Variants in DPY19L1 observed in about 807,000 individuals in gnomAD.
DPY19L1 encodes the protein protein C-mannosyl-transferase DPY19L1.
Under a neutral mutation model 96.9 loss-of-function variants are expected in DPY19L1, and 35 were observed. The ratio of observed to expected loss-of-function variants is 0.36; its 90% CI spans 0.28 to 0.48. The LOEUF is 0.48. Among genes scored for constraint, DPY19L1 ranks in the 20% least tolerant of loss-of-function variants. DPY19L1 has a pLI of 0.99. For missense variants in DPY19L1, 521 were observed against 777.9 expected (o/e 0.67, Z 3.93); for synonymous variants, 205 against 252.6 (o/e 0.81, Z 1.79).
chr7:35,029,451 G>A (rs1786208966), intron 1 of DPY19L1, among the ~76,000 whole-genome samples: 1 of 151,990 alleles, frequency 6.6e-6, no homozygotes, highest in Non-Finnish European at 1.5e-5. Context: ...ACACGTCCAG[G>A]CCCCATCATA....
chr7:35,000,631 T>C (rs1785403027), intron 6 of DPY19L1: 1 of 152,206 alleles, frequency 6.6e-6, no homozygotes, highest in Non-Finnish European at 1.5e-5. Flanking sequence ...AACTTCCACC[T>C]ATCAAACCAA....
chr7:34,991,344 T>C (rs1339499825), intron 6 of DPY19L1, among the ~76,000 whole-genome samples: 4 of 152,178 alleles, frequency 2.6e-5, no homozygotes, highest in Admixed American at 2.6e-4. Context: ...CTACCGATTA[T>C]CAGCCTAGAC....
chr7:35,002,991 C>T (rs1288670114), intron 6 of DPY19L1, among the ~76,000 whole-genome samples: 6 of 152,054 alleles, frequency 3.9e-5, no homozygotes, highest in Admixed American at 1.3e-4. Context: ...AAGATGGTCT[C>T]GATCTCCTGA....
At chr7:34,954,534 T>C in intron 13 of DPY19L1, 164 bp downstream of exon 13, 1 of 424,042 alleles carries the variant, frequency 2.4e-6, no homozygotes, top group Non-Finnish European at 4.2e-6. Flanking sequence ...AGAACGAAAA[T>C]CTATATACAA....
At chr7:34,956,441 T>C (rs1784380299) in intron 11 of DPY19L1, among the ~76,000 whole-genome samples, 1 of 152,086 alleles carries the variant, frequency 6.6e-6, no homozygotes, top group African/African-American at 2.4e-5. Flanking sequence ...TAGCTAAGTA[T>C]ACTCAAGGCA....
intron 15 of DPY19L1, 91 bp from the exon 16 acceptor site, chr7:34,945,807 T>C (rs1784133331): frequency 3.5e-6 from 3 of 849,664 alleles, no homozygotes; most frequent in African/African-American, 1.7e-5. Flanking sequence ...AAATAACTTT[T>C]AATGAAAATA....
chr7:35,019,392 T>C (rs1785936570), intron 1 of DPY19L1, among the ~76,000 whole-genome samples: 1 of 152,082 alleles, frequency 6.6e-6, no homozygotes, highest in Non-Finnish European at 1.5e-5. Context: ...CAGTGTGCTA[T>C]GACTATGACT....
rs1409703849 is a variant in DPY19L1 at position 34,939,319 on chromosome 7, G to A, written c.1921C>T (p.Arg641Trp). Reference protein sequence around the residue: ...TMASVKLSALRPIVNHPHYED... With the variant: ...TMASVKLSALWPIVNHPHYED... ...TAATGTGGATGATTCACAATGGGCCGAAGTGCAGAGAGCTTAACACTTGCC... is the reference window on the plus strand; with the variant it reads ...TAATGTGGATGATTCACAATGGGCCAAAGTGCAGAGAGCTTAACACTTGCC... Residue 641 changes from arginine (R) to tryptophan (W), a missense_variant, in exon 20 of 22, where the codon CGG becomes TGG. By Grantham distance (101) the Arg-to-Trp change is moderately radical (BLOSUM62 -3). Coordinates refer to ENST00000638088, the MANE Select transcript of DPY19L1 (RefSeq NM_001366673.1). The A allele has an allele frequency of 5.0e-6, 8 of 1,613,778 alleles. No homozygotes were observed. Among genetic ancestry groups the A allele is most frequent in the Non-Finnish European group, 5.1e-6 (6 of 1,179,948 alleles).
At chr7:34,995,717 T>G (rs2128673862) in intron 6 of DPY19L1, among the ~76,000 whole-genome samples, 1 of 152,246 alleles carries the variant, frequency 6.6e-6, no homozygotes, top group East Asian at 1.9e-4. Flanking sequence ...AAAACTATAT[T>G]AAATAACTCT....
At chr7:34,959,812 A>G (rs1206901296) in intron 10 of DPY19L1, among the ~76,000 whole-genome samples, 2 of 150,740 alleles carry the variant, frequency 1.3e-5, no homozygotes, top group Non-Finnish European at 3.0e-5. Flanking sequence ...GTGTATACCT[A>G]TGTAACAAAA....
chr7:35,025,377 T>C (rs1031666536), intron 1 of DPY19L1, among the ~76,000 whole-genome samples: 12 of 152,048 alleles, frequency 7.9e-5, no homozygotes, highest in South Asian at 2.1e-4. Context: ...TTTAGGTACA[T>C]AAAATAATAA....
At chr7:34,990,914 A>G (rs1164616402) in intron 6 of DPY19L1, among the ~76,000 whole-genome samples, 1 of 152,224 alleles carries the variant, frequency 6.6e-6, no homozygotes, top group Non-Finnish European at 1.5e-5. Flanking sequence ...TGGTATAGGC[A>G]TCAAAGGCCT....
At chr7:34,951,860 G>A (rs1041085140) in intron 13 of DPY19L1, among the ~76,000 whole-genome samples, 1 of 151,778 alleles carries the variant, frequency 6.6e-6, no homozygotes, top group South Asian at 2.1e-4. Flanking sequence ...ATAGTAAGAA[G>A]AATAGGCTAC....
chr7:34,992,027 G>A (rs956303528), intron 6 of DPY19L1, among the ~76,000 whole-genome samples: 12 of 152,122 alleles, frequency 7.9e-5, no homozygotes, highest in East Asian at 7.7e-4. Context: ...CGTTTGTTTC[G>A]GCAGGAGGGA....
At chr7:34,948,372 T>C (rs145138719) in intron 14 of DPY19L1, among the ~76,000 whole-genome samples, 1 of 152,296 alleles carries the variant, frequency 6.6e-6, no homozygotes, top group African/African-American at 2.4e-5. Context: ...TCCATGTCAG[T>C]ATGATATCAT....
intron 6 of DPY19L1, among the ~76,000 whole-genome samples, chr7:35,009,286 T>C (rs937005424): frequency 1.3e-5 from 2 of 152,208 alleles, no homozygotes; most frequent in African/African-American, 2.4e-5. Flanking sequence ...TTCAAACTCA[T>C]TATCCCAAAT....
chr7:34,957,819 T>TC (rs34773911), intron 11 of DPY19L1, among the ~76,000 whole-genome samples, 165 bp downstream of exon 11: 3 of 150,638 alleles, frequency 2.0e-5, no homozygotes, highest in Non-Finnish European at 3.0e-5. Flanking sequence ...GTTTTTTTTT[T>TC]CCCTGTTTTA....
intron 6 of DPY19L1, among the ~76,000 whole-genome samples, chr7:35,003,676 C>T (rs1485655807): frequency 6.6e-6 from 1 of 152,230 alleles, no homozygotes; most frequent in Non-Finnish European, 1.5e-5. Context: ...ATCCCAGGCT[C>T]ATGACGTTGC....
chr7:34,995,579 T>C (rs865844740), intron 6 of DPY19L1, among the ~76,000 whole-genome samples: 2 of 152,328 alleles, frequency 1.3e-5, no homozygotes, highest in South Asian at 2.1e-4. Context: ...TACAGTTGTA[T>C]AGATTTAAAT....
Sources: gnomAD v4.1 joint callset for allele counts (sites outside exome capture counted in the v4.1 genomes callset) on GRCh38, gnomAD v4.1.1 for gene constraint, MANE v1.5 for transcripts, NCBI Gene and HGNC (gene_info 2026-07-23, HGNC 2026-07-21) for gene names.